CUBN: variants seen among roughly 807,000 people sequenced by gnomAD.
The protein encoded by CUBN is cubilin.
A neutral mutation model predicts 405.3 loss-of-function variants in CUBN; 282 were observed. The observed-to-expected ratio is 0.70, with a 90% CI of 0.63 to 0.77. The LOEUF (loss-of-function observed/expected upper bound fraction) is 0.77. Ranked by LOEUF, CUBN falls within the 30% of genes least tolerant of loss-of-function variation. The pLI, the probability that CUBN is intolerant of heterozygous loss-of-function variation, is 0.00. For synonymous variants in CUBN, 1,684 were observed against 1,617.0 expected (o/e 1.04, Z -0.99); for missense variants, 4,514 against 4,475.2 (o/e 1.01, Z -0.25).
chr10:17,068,513 G>T, intron 20 of CUBN, 92 bp downstream of exon 20: 2 of 1,199,622 alleles, frequency 1.7e-6, no homozygotes, highest in Non-Finnish European at 1.2e-6. Flanking sequence ...ATTTTTCACA[G>T]TACAGATGAT....
At chr10:16,976,710 A>G (rs1201946010) in intron 31 of CUBN, among the ~76,000 whole-genome samples, 2 of 151,892 alleles carry the variant, frequency 1.3e-5, no homozygotes, top group Non-Finnish European at 2.9e-5. Context: ...AGTGTCCTCT[A>G]TGTGTCTTAA....
chr10:17,040,761 G>A (rs1016015777), intron 27 of CUBN, among the ~76,000 whole-genome samples: 1 of 151,932 alleles, frequency 6.6e-6, no homozygotes, highest in Admixed American at 6.6e-5. Context: ...AAAAAATAGA[G>A]GTTATTACTC....
At chr10:16,948,350 A>G (rs546165313) in intron 35 of CUBN, 128 bp downstream of exon 35, 1 of 1,157,378 alleles carries the variant, frequency 8.6e-7, no homozygotes, top group East Asian at 2.5e-5. Flanking sequence ...GGAAGAAGGT[A>G]AGATTTGGCC....
intron 39 of CUBN, among the ~76,000 whole-genome samples, chr10:16,934,997 T>C (rs1414979282): frequency 1.3e-5 from 2 of 152,218 alleles, no homozygotes; most frequent in Admixed American, 6.5e-5. Context: ...ACTTGACACA[T>C]TGAATTTCCT....
At chr10:17,082,823 A>G (rs1449948539) in intron 17 of CUBN, among the ~76,000 whole-genome samples, 1 of 152,204 alleles carries the variant, frequency 6.6e-6, no homozygotes, top group Non-Finnish European at 1.5e-5. Flanking sequence ...ACCATGGACA[A>G]GTAACTTCTC....
rs377730376 is a variant in CUBN, at chr10:16,984,264, C to T, written c.4366G>A (p.Asp1456Asn). Reference protein sequence around the residue: ...FDVLEIYGGPDFHSPRIAQLC... With the variant: ...FDVLEIYGGPNFHSPRIAQLC... ...TGGGCTATTCTGGGAGAGTGGAAAT[C>T]GGGGCCTCCATAGATCTAACATGGG... The change falls in exon 30 of 67, where the codon GAT becomes AAT. Residue 1456 changes from aspartate (D) to asparagine (N), a missense_variant. This residue lies in a region of CUBN where 1,613 missense variants were observed against 1,542.8 expected (regional missense o/e 1.05). Coordinates refer to ENST00000377833, the MANE Select transcript of CUBN (RefSeq NM_001081.4). 60 of 1,613,986 alleles carry T rather than the reference C, an allele frequency of 3.7e-5. No homozygotes were observed. In the East Asian group the frequency reaches 1.1e-3, roughly 29 times the overall value.
intron 62 of CUBN, among the ~76,000 whole-genome samples, chr10:16,839,815 C>T (rs565028832): frequency 1.3e-5 from 2 of 151,942 alleles, no homozygotes; most frequent in African/African-American, 4.8e-5. Flanking sequence ...TGGAACCATC[C>T]CAAATGTCCA....
rs1840291624 is a variant in CUBN, at chr10:16,869,644, T to G, written c.9446A>C (p.Gln3149Pro). 3.1e-6 allele frequency: 5 copies of G among 1,611,970 alleles called. No homozygotes were observed. Among genetic ancestry groups the G allele is most frequent in the Non-Finnish European group, 4.2e-6 (5 of 1,178,398 alleles). ...AAGTCCAGAATTCTTACCCAATGTC[T>G]GCCGGAAAGACATCTTCCAGCCTTT... Reference protein sequence around the residue: ...TAKGWKMSFRQTLGPQQGCGG... With the variant: ...TAKGWKMSFRPTLGPQQGCGG... Residue 3149 changes from glutamine to proline, a missense_variant, in exon 59 of 67, where the codon CAG (glutamine) becomes CCG (proline). Around this residue, in one of 5 missense-constraint regions of CUBN, gnomAD observed 1,186 missense variants for 1,186.9 expected, o/e 1.00. Coordinates refer to ENST00000377833, the MANE Select transcript of CUBN (RefSeq NM_001081.4).
intron 15 of CUBN, among the ~76,000 whole-genome samples, chr10:17,087,472 C>CCTTTT (rs1836141915): frequency 2.8e-5 from 2 of 71,712 alleles, no homozygotes; most frequent in Non-Finnish European, 5.3e-5. Context: ...TTTTCTTTTT[C>CCTTTT]TTTTTTTTTT....
chr10:16,980,905 A>C (rs201793868), intron 31 of CUBN, among the ~76,000 whole-genome samples: 1 of 145,066 alleles, frequency 6.9e-6, no homozygotes, highest in Non-Finnish European at 1.5e-5. Context: ...GAAAAAAAAA[A>C]CCCTTCAAAA....
chr10:16,962,811 G>C (rs1843272533), intron 31 of CUBN, among the ~76,000 whole-genome samples: 1 of 152,156 alleles, frequency 6.6e-6, no homozygotes. Context: ...ATTCACATGA[G>C]TGAGCCAGGA....
intron 28 of CUBN, among the ~76,000 whole-genome samples, chr10:16,990,990 A>T (rs779654439): frequency 6.8e-4 from 104 of 152,336 alleles, no homozygotes; most frequent in Non-Finnish European, 1.3e-3. Context: ...AGGGCTAAAA[A>T]TCCTTAGCTT....
rs75710900 is a variant in CUBN, at chr10:16,845,719, T to A, written c.9664-4672A>T. Among the ~76,000 whole-genome samples the A allele has an allele frequency of 6.7e-3, 1,014 of 152,326 alleles. 7 individuals are homozygous for A. The highest frequency in any genetic ancestry group is 0.024 in the African/African-American group (985 of 41,572). ...AATGAAAGAATGAATGAATAGTAGG[T>A]ACGACCTCATGTGGATAGGAACGTG... On this transcript the variant is annotated intron_variant, in intron 60 of 66. Transcript: ENST00000377833.
chr10:16,989,911 C>A (rs1833532443), intron 29 of CUBN, among the ~76,000 whole-genome samples: 1 of 152,244 alleles, frequency 6.6e-6, no homozygotes, highest in Admixed American at 6.5e-5. Context: ...CTTTCTCAGA[C>A]TGCAAGTGTG....
intron 31 of CUBN, among the ~76,000 whole-genome samples, chr10:16,980,799 C>A (rs1396783491): frequency 6.6e-6 from 1 of 151,672 alleles, no homozygotes; most frequent in East Asian, 1.9e-4. Flanking sequence ...ATATAACAAA[C>A]CTGCAGCTTC....
chr10:17,047,155 T>G (rs1273833380), intron 23 of CUBN, among the ~76,000 whole-genome samples: 1 of 152,182 alleles, frequency 6.6e-6, no homozygotes, highest in East Asian at 1.9e-4. Context: ...CATCTGTTTC[T>G]TTGCCCACAT....
Position 16,954,312 on chromosome 10 carries a change from A to G in CUBN, c.4855+77T>C, listed in dbSNP as rs948098476. 1.0e-5 allele frequency: 15 copies of G among 1,504,554 alleles called. No homozygotes were observed. The African/African-American group carries it at 1.6e-4, about 17-fold the overall frequency. The allele number at this position is 1,504,554 out of a possible 1,614,324, so 93.2% of individuals were successfully genotyped here. A position where few individuals can be genotyped will look rare whatever the true frequency, so the allele number is the denominator to read the frequency against. ...AAGGCTGTGATCAATTTCTGAGCAC[A>G]GGTCTCATTTCACTGTTGCACCAAA... On this transcript the variant is annotated intron_variant, in intron 32 of 66. Coordinates refer to ENST00000377833, the MANE Select transcript of CUBN (RefSeq NM_001081.4).
intron 7 of CUBN, among the ~76,000 whole-genome samples, chr10:17,114,676 A>G (rs1162376582): frequency 3.9e-5 from 6 of 152,214 alleles, no homozygotes; most frequent in African/African-American, 1.4e-4. Flanking sequence ...TGAAGTTCTC[A>G]TGAAGAGCCA....
chr10:17,055,004 A>G (rs1835359355), intron 22 of CUBN, among the ~76,000 whole-genome samples: 2 of 152,088 alleles, frequency 1.3e-5, no homozygotes, highest in Admixed American at 1.3e-4. Flanking sequence ...ACAGTTCAGT[A>G]TGTCTTACAC....
Sources: gnomAD v4.1 joint callset for allele counts (sites outside exome capture counted in the v4.1 genomes callset) on GRCh38, gnomAD v4.1.1 for gene constraint, gnomAD v4.1.1 regional missense constraint, MANE v1.5 for transcripts, NCBI Gene and HGNC (gene_info 2026-07-23, HGNC 2026-07-21) for gene names.